Variants in POLGARF observed in about 807,000 individuals in gnomAD.
POLGARF encodes the protein POLG alternative reading frame.
At chr15:89,333,661 C>T in the POLGARF span, 11 of 1,567,198 alleles carry the variant, frequency 7.0e-6, no homozygotes, top group Non-Finnish European at 8.6e-6. Context: ...GGGTCGGACG[C>T]GGGGACGGAG....
At chr15:89,332,615 G>GGT in the POLGARF span, among the ~76,000 whole-genome samples, 1 of 151,004 alleles carries the variant, frequency 6.6e-6, no homozygotes, top group Non-Finnish European at 1.5e-5. Context: ...CAGGGGGGCG[G>GGT]GGGGGTGTTG....
chr15:89,333,592 G>A, the POLGARF span: 1 of 1,605,798 alleles, frequency 6.2e-7, no homozygotes, highest in African/African-American at 1.4e-5. Context: ...TGCTGAGGCT[G>A]CTGTTGCTGC....
the POLGARF span, chr15:89,333,364 A>G: frequency 3.1e-4 from 485 of 1,575,850 alleles, no homozygotes; most frequent in Non-Finnish European, 3.9e-4. Context: ...TTGTCCCCGT[A>G]GAGGGGCGGC....
the POLGARF span, chr15:89,333,135 G>C: frequency 6.5e-7 from 1 of 1,528,652 alleles, no homozygotes; most frequent in Non-Finnish European, 8.8e-7. Context: ...TGTGGGGCAA[G>C]TTCCCTCTGC....
chr15:89,331,070 C>A, the POLGARF span, among the ~76,000 whole-genome samples: 1 of 152,304 alleles, frequency 6.6e-6, no homozygotes, highest in African/African-American at 2.4e-5. Context: ...AAGGCCCACT[C>A]AGCATCAAAG....
the POLGARF span, chr15:89,330,359 C>A: frequency 9.4e-7 from 1 of 1,068,852 alleles, no homozygotes. Context: ...CCTACCGCCA[C>A]ATGCCAGATG....
At chr15:89,333,615 T>TGTTGCTGCTGCTGCTGCC in the POLGARF span, 1 of 1,600,888 alleles carries the variant, frequency 6.2e-7, no homozygotes. Flanking sequence ...CTGCTGCTGC[T>TGTTGCTGCTGCTGCTGCC]GCTGCTGCTG....
the POLGARF span, chr15:89,333,553 G>A: frequency 1.9e-6 from 3 of 1,612,020 alleles, no homozygotes; most frequent in Non-Finnish European, 2.5e-6. Context: ...TGCCGCAGCT[G>A]CCCGCCCTCC....
chr15:89,333,680 C>T, the POLGARF span: 2 of 1,548,958 alleles, frequency 1.3e-6, no homozygotes, highest in Non-Finnish European at 8.7e-7. Context: ...AGCTGGAGAC[C>T]CAGCGCCCCG....
At chr15:89,333,585 TGAG>T in the POLGARF span, 1 of 1,608,874 alleles carries the variant, frequency 6.2e-7, no homozygotes. Context: ...TTGCGGCTGC[TGAG>T]GCTGCTGTTG....
the POLGARF span, chr15:89,333,491 G>A: frequency 1.8e-3 from 2,916 of 1,612,662 alleles, 12 homozygotes; most frequent in Middle Eastern, 7.6e-3. Context: ...CTCCTTGCCC[G>A]AAGATTTGCT....
At chr15:89,332,622 G>A in the POLGARF span, among the ~76,000 whole-genome samples, 2 of 151,448 alleles carry the variant, frequency 1.3e-5, no homozygotes, top group African/African-American at 2.4e-5. Context: ...GCGGGGGGGT[G>A]TTGGTCTGGC....
chr15:89,333,337 G>A, the POLGARF span: 19 of 1,562,754 alleles, frequency 1.2e-5, no homozygotes, highest in Admixed American at 3.7e-5. Flanking sequence ...GCCAGGAGGC[G>A]GAAGTGCTGG....
the POLGARF span, among the ~76,000 whole-genome samples, chr15:89,330,944 G>A: frequency 4.7e-4 from 71 of 152,254 alleles, 1 homozygote; most frequent in African/African-American, 1.3e-3. Flanking sequence ...GCCTGTTGGG[G>A]GCCCGACACT....
the POLGARF span, among the ~76,000 whole-genome samples, chr15:89,331,913 G>A: frequency 6.6e-6 from 1 of 152,120 alleles, no homozygotes; most frequent in Non-Finnish European, 1.5e-5. Context: ...GGGCAGAGCA[G>A]GGAAGGACAG....
chr15:89,333,389 G>T, the POLGARF span: 2 of 1,588,120 alleles, frequency 1.3e-6, no homozygotes, highest in Non-Finnish European at 1.7e-6. Context: ...GCAGCTCCAC[G>T]TCGGGCAAGG....
chr15:89,333,722 G>A, the POLGARF span: 4 of 1,536,228 alleles, frequency 2.6e-6, no homozygotes, highest in Admixed American at 3.9e-5. Flanking sequence ...CGACGGTGGC[G>A]CCGGCCACCT....
chr15:89,333,618 TGCTGCTGCTGCC>T, the POLGARF span: 1 of 1,600,776 alleles, frequency 6.2e-7, no homozygotes, highest in Non-Finnish European at 8.5e-7. Flanking sequence ...CTGCTGCTGC[TGCTGCTGCTGCC>T]GCCGCCGCTG....
At chr15:89,330,884 T>A in the POLGARF span, among the ~76,000 whole-genome samples, 2 of 149,800 alleles carry the variant, frequency 1.3e-5, no homozygotes, top group Non-Finnish European at 3.0e-5. Flanking sequence ...AATGAGAAAA[T>A]GTATGTGTAT....
Sources: gnomAD v4.1 joint callset for allele counts (sites outside exome capture counted in the v4.1 genomes callset) on GRCh38, gnomAD v4.1.1 for gene constraint, MANE v1.5 for transcripts, NCBI Gene and HGNC (gene_info 2026-07-23, HGNC 2026-07-21) for gene names.